ASIC2: variants seen among roughly 807,000 people sequenced by gnomAD.
ASIC2 encodes the protein acid sensing ion channel subunit 2, also known as acid-sensing ion channel 2.
ASIC2 carries 25 observed loss-of-function variants against 57.3 expected under a neutral mutation model. That is an observed-to-expected ratio of 0.44 (90% confidence interval 0.32 to 0.61). The LOEUF is 0.61. Among genes scored for constraint, ASIC2 ranks in the 20% least tolerant of loss-of-function variants. The probability of loss-of-function intolerance (pLI) is 0.06; values close to 1 mark genes in which losing one functional copy is unlikely to be tolerated. For missense variants in ASIC2, 641 were observed against 738.1 expected, an observed-to-expected ratio of 0.87 and a Z score of 1.52; for synonymous variants, 319 against 307.5, an observed-to-expected ratio of 1.04 and a Z score of -0.39.
intron 1 of ASIC2, among the ~76,000 whole-genome samples, chr17:33,707,310 A>G (rs1290400287): frequency 2.0e-5 from 3 of 152,146 alleles, no homozygotes; most frequent in Non-Finnish European, 4.4e-5. Flanking sequence ...TAGCTCTTGT[A>G]TAATTTTCTC....
chr17:34,149,866 G>T (rs528085390), intron 1 of ASIC2, among the ~76,000 whole-genome samples: 1 of 152,266 alleles, frequency 6.6e-6, no homozygotes, highest in East Asian at 1.9e-4. Flanking sequence ...AGTACCATAT[G>T]ATCTAGCAAT....
At chr17:33,823,960 A>T (rs185783613) in intron 1 of ASIC2, among the ~76,000 whole-genome samples, 81 of 152,228 alleles carry the variant, frequency 5.3e-4, no homozygotes, top group African/African-American at 1.9e-3. Context: ...TGCCCCCATA[A>T]CCAGCTGCAG....
At chr17:33,957,089 C>T (rs1237706274) in intron 1 of ASIC2, among the ~76,000 whole-genome samples, 1 of 152,316 alleles carries the variant, frequency 6.6e-6, no homozygotes, top group East Asian at 1.9e-4. Flanking sequence ...TGGAAAAGCT[C>T]GTTTGGGGTT....
chr17:33,114,490 A>C (rs1597584760), intron 1 of ASIC2, among the ~76,000 whole-genome samples: 1 of 152,226 alleles, frequency 6.6e-6, no homozygotes, highest in South Asian at 2.1e-4. Flanking sequence ...GCCTATCTGT[A>C]TGAAGGGATT....
chr17:33,904,575 G>A (rs781105721), intron 1 of ASIC2, among the ~76,000 whole-genome samples: 9 of 152,192 alleles, frequency 5.9e-5, no homozygotes, highest in Non-Finnish European at 7.3e-5. Flanking sequence ...TAACCCAGAC[G>A]AATGCCATGG....
chr17:33,577,844 G>A (rs1597793099), intron 1 of ASIC2, among the ~76,000 whole-genome samples: 1 of 152,134 alleles, frequency 6.6e-6, no homozygotes, highest in Non-Finnish European at 1.5e-5. Flanking sequence ...TCTGCCTAGG[G>A]CCTCTCCAAA....
intron 1 of ASIC2, among the ~76,000 whole-genome samples, chr17:33,206,482 A>C (rs983275262): frequency 6.6e-6 from 1 of 152,190 alleles, no homozygotes; most frequent in Non-Finnish European, 1.5e-5. Flanking sequence ...GGTCAACCCA[A>C]GGTCAAGCCA....
intron 2 of ASIC2, among the ~76,000 whole-genome samples, chr17:33,107,332 A>C (rs1202197772): frequency 6.6e-6 from 1 of 152,220 alleles, no homozygotes; most frequent in Non-Finnish European, 1.5e-5. Flanking sequence ...TGCCTTGGCT[A>C]TTCCTATCTT....
chr17:33,884,572 T>C (rs2141942436), intron 1 of ASIC2, among the ~76,000 whole-genome samples: 1 of 152,248 alleles, frequency 6.6e-6, no homozygotes, highest in South Asian at 2.1e-4. Context: ...AATTCTGTCC[T>C]TGGAGCAGCT....
intron 1 of ASIC2, among the ~76,000 whole-genome samples, chr17:34,091,969 A>C (rs527239969): frequency 6.6e-6 from 1 of 152,318 alleles, no homozygotes; most frequent in African/African-American, 2.4e-5. Flanking sequence ...GAAGACATTA[A>C]GGTTTTCCTT....
At chr17:33,632,044 G>C (rs760672876) in intron 1 of ASIC2, among the ~76,000 whole-genome samples, 1 of 152,100 alleles carries the variant, frequency 6.6e-6, no homozygotes, top group Non-Finnish European at 1.5e-5. Context: ...TTATAAGTGA[G>C]GGCTTGAGGG....
At chr17:33,788,438 C>T (rs906188447) in intron 1 of ASIC2, among the ~76,000 whole-genome samples, 3 of 152,106 alleles carry the variant, frequency 2.0e-5, no homozygotes, top group Non-Finnish European at 2.9e-5. Flanking sequence ...AATAGGAATG[C>T]TTTTACACTG....
intron 1 of ASIC2, among the ~76,000 whole-genome samples, chr17:33,539,795 A>G (rs1807114075): frequency 6.6e-6 from 1 of 152,196 alleles, no homozygotes. Context: ...AGACAGGCAC[A>G]TAGCAGGGAA....
At chr17:33,760,038 A>C (rs1719376517) in intron 1 of ASIC2, among the ~76,000 whole-genome samples, 1 of 152,146 alleles carries the variant, frequency 6.6e-6, no homozygotes, top group South Asian at 2.1e-4. Context: ...CTTCATTATA[A>C]ACTGCAGTTT....
At chr17:34,038,149 A>T (rs1907962578) in intron 1 of ASIC2, 1 of 1,612,894 alleles carries the variant, frequency 6.2e-7, no homozygotes, top group African/African-American at 1.3e-5. Flanking sequence ...CTAAAAGAAT[A>T]TTACCTGGTT....
At chr17:33,606,627 C>T (rs1383972365) in intron 1 of ASIC2, among the ~76,000 whole-genome samples, 1 of 152,150 alleles carries the variant, frequency 6.6e-6, no homozygotes, top group Non-Finnish European at 1.5e-5. Context: ...GAGGGCATGG[C>T]AGTGTCTATG....
chr17:33,695,012 G>T (rs1908483402), intron 1 of ASIC2, among the ~76,000 whole-genome samples: 1 of 152,040 alleles, frequency 6.6e-6, no homozygotes, highest in Non-Finnish European at 1.5e-5. Context: ...GAATATGGTT[G>T]GTAAGTAATT....
chr17:33,983,062 G>C (rs1400064742), intron 1 of ASIC2, among the ~76,000 whole-genome samples: 1 of 152,178 alleles, frequency 6.6e-6, no homozygotes, highest in East Asian at 1.9e-4. Context: ...AAACCAATTA[G>C]GAGCTGTGAG....
intron 1 of ASIC2, among the ~76,000 whole-genome samples, chr17:33,405,770 C>A (rs1351443652): frequency 6.6e-6 from 1 of 152,084 alleles, no homozygotes; most frequent in Non-Finnish European, 1.5e-5. Context: ...GCTTGAGCCA[C>A]CACACCGGGC....
Sources: allele counts gnomAD v4.1 joint callset (sites outside exome capture counted in the v4.1 genomes callset), GRCh38; gene constraint gnomAD v4.1.1; transcripts MANE v1.5; gene names NCBI Gene and HGNC (gene_info 2026-07-23, HGNC 2026-07-21).